RPRD2: variants seen among roughly 807,000 people sequenced by gnomAD.
RPRD2 encodes regulation of nuclear pre-mRNA domain containing 2.
In RPRD2, 12 loss-of-function variants were observed where a neutral mutation model predicts 104.4. The ratio of observed to expected loss-of-function variants is 0.11; its 90% CI spans 0.07 to 0.19. The LOEUF (loss-of-function observed/expected upper bound fraction) is 0.19, where lower values mean the gene tolerates loss of function less well. Among genes scored for constraint, RPRD2 ranks in the 10% least tolerant of loss-of-function variants. The pLI is 1.00. For synonymous variants in RPRD2, 714 were observed against 684.9 expected (o/e 1.04, Z -0.66); for missense variants, 1,543 against 1,790.1 (o/e 0.86, Z 2.49).
At chr1:150,389,778 A>T (rs1661919082) in intron 1 of RPRD2, among the ~76,000 whole-genome samples, 1 of 152,180 alleles carries the variant, frequency 6.6e-6, no homozygotes, top group Non-Finnish European at 1.5e-5. Context: ...TGTACTAAAA[A>T]AGTAAGGGAG....
intron 8 of RPRD2, among the ~76,000 whole-genome samples, chr1:150,458,409 A>G (rs1410469329): frequency 6.6e-6 from 1 of 151,520 alleles, no homozygotes; most frequent in Non-Finnish European, 1.5e-5. Context: ...AGCCAAGACC[A>G]TGTCACTGCA....
chr1:150,475,732 T>C lies in RPRD2; in HGVS notation c.*2398T>C, dbSNP rs771226972. The stretch of plus-strand genomic sequence containing the variant: ...TGACAGTGTGTATATATGTGATAAA[T>C]AGTGAAACAGAAAAGACAGTTCTGG... On this transcript the variant is annotated 3_prime_UTR_variant, in exon 11 of 11. Coordinates refer to ENST00000369068, the MANE Select transcript of RPRD2 (RefSeq NM_015203.5). The C allele has an allele frequency of 6.6e-6, 1 of 152,578 alleles. No individual in the cohort carries two copies. Among genetic ancestry groups the C allele is most frequent in the Non-Finnish European group, 1.5e-5 (1 of 68,040 alleles). The allele number at this position is 152,578 out of a possible 1,614,324, so 9.5% of individuals were successfully genotyped here. A position where few individuals can be genotyped will look rare whatever the true frequency, so the allele number is the denominator to read the frequency against.
At chr1:150,397,385 A>G (rs953639171) in intron 1 of RPRD2, among the ~76,000 whole-genome samples, 4 of 152,190 alleles carry the variant, frequency 2.6e-5, no homozygotes, top group African/African-American at 9.7e-5. Context: ...TTAAATGTAC[A>G]GTTCTATAAA....
At chr1:150,469,877 G>A (rs1296031726) in intron 10 of RPRD2, among the ~76,000 whole-genome samples, 1 of 152,050 alleles carries the variant, frequency 6.6e-6, no homozygotes, top group Non-Finnish European at 1.5e-5. Flanking sequence ...AGTGTCCCTG[G>A]TGGTCTGTCT....
chr1:150,428,374 A>T (rs1167056240), intron 2 of RPRD2, among the ~76,000 whole-genome samples: 1 of 146,360 alleles, frequency 6.8e-6, no homozygotes, highest in African/African-American at 2.5e-5. Context: ...AATCGCTTGA[A>T]CCTGGGAGGC....
At chr1:150,369,859 C>T in intron 1 of RPRD2, among the ~76,000 whole-genome samples, 1 of 151,970 alleles carries the variant, frequency 6.6e-6, no homozygotes, top group East Asian at 1.9e-4. Context: ...CGGCTCACTG[C>T]AACCTCCATC....
At chr1:150,395,633 C>T (rs1280267016) in intron 1 of RPRD2, among the ~76,000 whole-genome samples, 1 of 151,774 alleles carries the variant, frequency 6.6e-6, no homozygotes, top group Non-Finnish European at 1.5e-5. Flanking sequence ...TGCTCAGCCT[C>T]CCAAGTAGCT....
intron 1 of RPRD2, among the ~76,000 whole-genome samples, chr1:150,400,077 T>C (rs1273958490): frequency 6.6e-6 from 1 of 152,238 alleles, no homozygotes; most frequent in Non-Finnish European, 1.5e-5. Flanking sequence ...CAGTGTTTGC[T>C]TTTCAGCATA....
At chr1:150,368,638 A>G (rs1344746793) in intron 1 of RPRD2, among the ~76,000 whole-genome samples, 1 of 151,852 alleles carries the variant, frequency 6.6e-6, no homozygotes, top group Non-Finnish European at 1.5e-5. Flanking sequence ...TAATTTTTGT[A>G]TTTTTAGTAG....
chr1:150,373,223 ACGCTGGTCT>A (rs1457552295), intron 1 of RPRD2, among the ~76,000 whole-genome samples: 5 of 151,934 alleles, frequency 3.3e-5, no homozygotes, highest in Non-Finnish European at 5.9e-5. Context: ...CATATTGGTC[ACGCTGGTCT>A]CGAACTCCTG....
rs587628869 is a variant in RPRD2 at position 150,425,382 on chromosome 1, G to A, written c.335+7657G>A. On this transcript the variant is annotated intron_variant, in intron 2 of 10. Transcript: ENST00000369068. ...TTTCTGGCCGGGTGAGGTGGCTCAC[G>A]CCTGTAATCCCAGGACTTTGGGAGG... is the stretch of plus-strand genomic sequence containing the variant. Among the ~76,000 whole-genome samples the A allele has an allele frequency of 3.0e-3, 452 of 152,206 alleles. 1 individual carries two copies. The highest frequency in any genetic ancestry group is 7.0e-3 in the Admixed American group (107 of 15,270).
intron 1 of RPRD2, among the ~76,000 whole-genome samples, chr1:150,374,216 C>T (rs1386378015): frequency 6.6e-6 from 1 of 152,114 alleles, no homozygotes; most frequent in Non-Finnish European, 1.5e-5. Flanking sequence ...ACGAAACTTC[C>T]ATAAAAATCC....
intron 1 of RPRD2, among the ~76,000 whole-genome samples, chr1:150,387,442 G>C (rs114197664): frequency 1.3e-5 from 2 of 151,996 alleles, no homozygotes; most frequent in South Asian, 4.1e-4. Flanking sequence ...TTGCCAGAGG[G>C]AAGGAGCATG....
At chr1:150,373,552 T>TTTTTTTTTTTTTTTC (rs1660481320) in intron 1 of RPRD2, among the ~76,000 whole-genome samples, 1 of 148,248 alleles carries the variant, frequency 6.7e-6, no homozygotes, top group African/African-American at 2.5e-5. Flanking sequence ...TTTTTTTTTT[T>TTTTTTTTTTTTTTTC]TTAGCTTGAG....
At chr1:150,457,121 G>A (rs1333795510) in intron 7 of RPRD2, among the ~76,000 whole-genome samples, 167 bp from the exon 8 acceptor site, 2 of 152,052 alleles carry the variant, frequency 1.3e-5, no homozygotes, top group Non-Finnish European at 2.9e-5. Context: ...CTACTTGGAA[G>A]GCTGAGGTAG....
intron 2 of RPRD2, among the ~76,000 whole-genome samples, chr1:150,431,414 A>G (rs79159782): frequency 0.02 from 3,026 of 151,154 alleles, 129 homozygotes; most frequent in African/African-American, 0.07. Flanking sequence ...CAGTGGATGA[A>G]TGGATAAACA....
chr1:150,459,243 A>AT (rs1465654602), intron 8 of RPRD2, among the ~76,000 whole-genome samples: 1 of 152,236 alleles, frequency 6.6e-6, no homozygotes, highest in Non-Finnish European at 1.5e-5. Context: ...CCCTTAAAGC[A>AT]TTAAAAATAA....
intron 10 of RPRD2, among the ~76,000 whole-genome samples, chr1:150,466,235 G>A (rs1229949993): frequency 4.0e-5 from 6 of 151,754 alleles, no homozygotes; most frequent in East Asian, 3.9e-4. Flanking sequence ...AAAATTAGCC[G>A]GGCGTGGTGG....
At chr1:150,400,826 A>G (rs1553885196) in intron 1 of RPRD2, among the ~76,000 whole-genome samples, 3 of 151,666 alleles carry the variant, frequency 2.0e-5, no homozygotes, top group Non-Finnish European at 1.5e-5. Flanking sequence ...GTTTTCTGAG[A>G]CTTTTTATCA....
Sources: allele counts gnomAD v4.1 joint callset (sites outside exome capture counted in the v4.1 genomes callset), GRCh38; gene constraint gnomAD v4.1.1; transcripts MANE v1.5; gene names NCBI Gene and HGNC (gene_info 2026-07-23, HGNC 2026-07-21).